SORL1-AS1: variants seen among roughly 807,000 people sequenced by gnomAD.
The protein encoded by SORL1-AS1 is SORL1 antisense RNA 1.
At chr11:121,448,853 G>C (rs941975326) in exon 2 of SORL1-AS1, 3 of 152,170 alleles carry the variant, frequency 2.0e-5, no homozygotes, top group African/African-American at 4.8e-5. Flanking sequence ...CAGGGGACTA[G>C]AGCCTTAGAG....
the SORL1-AS1 span, among the ~76,000 whole-genome samples, chr11:121,439,878 G>T: frequency 5.9e-5 from 9 of 152,320 alleles, no homozygotes; most frequent in African/African-American, 2.2e-4. Flanking sequence ...TTAAAAATCA[G>T]TAAGACAAGG....
the SORL1-AS1 span, among the ~76,000 whole-genome samples, chr11:121,439,570 A>G: frequency 6.6e-6 from 1 of 152,036 alleles, no homozygotes; most frequent in Non-Finnish European, 1.5e-5. Context: ...GAGTAACTCA[A>G]TGTCTCTGAT....
chr11:121,441,392 G>A, the SORL1-AS1 span, among the ~76,000 whole-genome samples: 1 of 151,376 alleles, frequency 6.6e-6, no homozygotes, highest in Non-Finnish European at 1.5e-5. Flanking sequence ...TTAGCTGGGC[G>A]TGGTGGTGGG....
At chr11:121,447,851 T>C (rs1860743178) in exon 2 of SORL1-AS1, 1 of 152,144 alleles carries the variant, frequency 6.6e-6, no homozygotes, top group Admixed American at 6.5e-5. Flanking sequence ...AGGGCTGAGT[T>C]GTGAAGGAGG....
At chr11:121,441,530 C>CAAAAAAAAAAAAAAAAAAA in the SORL1-AS1 span, among the ~76,000 whole-genome samples, 40 of 52,332 alleles carry the variant, frequency 7.6e-4, no homozygotes, top group Non-Finnish European at 9.0e-4. Context: ...GACTCTGTCT[C>CAAAAAAAAAAAAAAAAAAA]AAAAAAAAAA....
chr11:121,447,663 A>C (rs1860741296), exon 2 of SORL1-AS1: 1 of 152,112 alleles, frequency 6.6e-6, no homozygotes, highest in African/African-American at 2.4e-5. Context: ...AACACATTGG[A>C]AACCAAATCC....
chr11:121,446,039 C>T (rs945947754), downstream of SORL1-AS1, among the ~76,000 whole-genome samples: 1 of 152,124 alleles, frequency 6.6e-6, no homozygotes, highest in Non-Finnish European at 1.5e-5. Flanking sequence ...AAAATTCAGT[C>T]TCCCCAGAGC....
rs377606769 is a variant in SORL1-AS1, at chr11:121,451,008, AG to A, written n.340-1110del. Among the ~76,000 whole-genome samples the A allele has an allele frequency of 2.2e-4, 34 of 152,288 alleles. No homozygotes were observed. In the South Asian group the frequency reaches 5.4e-3, roughly 24 times the overall value. ...GAAAAGTACTAGAGTGGGCCGGGGT[AG>A]GAATCGGGCTACCGTGGCTTGTCGG... On this transcript the variant is annotated intron_variant and non_coding_transcript_variant, in intron 1 of 1. Coordinates refer to ENST00000501964, the Ensembl canonical transcript of SORL1-AS1.
At chr11:121,441,599 G>A in the SORL1-AS1 span, among the ~76,000 whole-genome samples, 7 of 151,302 alleles carry the variant, frequency 4.6e-5, no homozygotes, top group South Asian at 2.1e-4. Context: ...GTGTGACTAT[G>A]AGACTAAGTT....
At position 121,452,399 on chromosome 11, in the gene SORL1-AS1, C is replaced by A; in HGVS notation, n.339+276G>T. On this transcript the variant is annotated intron_variant and non_coding_transcript_variant, in intron 1 of 1. Transcript: ENST00000501964. The surrounding 1 kb of genome is among the most constrained non-coding windows in gnomAD (Gnocchi z 5.3). The stretch of plus-strand genomic sequence containing the variant: ...CTATTCACCCTGGTCGCACTGCTGC[C>A]GCCCGGAGCTCTCTGCGAAGTCTGG... The A allele has an allele frequency of 6.5e-7, 1 of 1,535,490 alleles. No homozygotes were observed. Among genetic ancestry groups the A allele is most frequent in the Non-Finnish European group, 8.7e-7 (1 of 1,144,812 alleles).
chr11:121,442,866 G>A (rs573819719), downstream of SORL1-AS1, among the ~76,000 whole-genome samples: 7 of 150,782 alleles, frequency 4.6e-5, no homozygotes, highest in African/African-American at 1.5e-4. Context: ...TTTTAGTAGA[G>A]ATGGGGTTTC....
chr11:121,438,786 G>A, the SORL1-AS1 span, among the ~76,000 whole-genome samples: 2 of 152,190 alleles, frequency 1.3e-5, no homozygotes, highest in Non-Finnish European at 2.9e-5. Context: ...CCAGCACTTT[G>A]GGAGGCCGAG....
At chr11:121,443,397 C>T (rs1860687157), downstream of SORL1-AS1, among the ~76,000 whole-genome samples, 1 of 152,296 alleles carries the variant, frequency 6.6e-6, no homozygotes, top group South Asian at 2.1e-4. Flanking sequence ...TCTCACAATG[C>T]CATGTCAAAC....
chr11:121,438,553 C>T, the SORL1-AS1 span, among the ~76,000 whole-genome samples: 1 of 151,796 alleles, frequency 6.6e-6, no homozygotes, highest in Non-Finnish European at 1.5e-5. Flanking sequence ...ATTGTGTGTA[C>T]TCTTTTGTGT....
Position 121,452,354 on chromosome 11 carries a change from G to A in SORL1-AS1, n.339+321C>T. On this transcript the variant is annotated intron_variant and non_coding_transcript_variant, in intron 1 of 1. Transcript: ENST00000501964. The surrounding 1 kb of genome is among the most constrained non-coding windows in gnomAD (Gnocchi z 5.3). ...AACATGGCGACACGGAGCAGCAGGA[G>A]GGAGTCGCGACTCCCGTTCCTATTC... 6.4e-7 allele frequency: 1 copy of A among 1,554,430 alleles called. No homozygotes were observed. The highest frequency in any genetic ancestry group is 8.7e-7 in the Non-Finnish European group (1 of 1,154,828).
downstream of SORL1-AS1, chr11:121,447,222 A>C (rs1164653551): frequency 1.3e-5 from 2 of 152,194 alleles, no homozygotes; most frequent in Non-Finnish European, 2.9e-5. Context: ...GAAAGGTCTA[A>C]ATGCTTTCTT....
the SORL1-AS1 span, among the ~76,000 whole-genome samples, chr11:121,441,017 G>T: frequency 2.0e-5 from 3 of 152,196 alleles, no homozygotes; most frequent in African/African-American, 7.2e-5. Flanking sequence ...ACTGGTTGCA[G>T]AAGTAACTAT....
Position 121,452,641 on chromosome 11 carries a change from C to A in SORL1-AS1, n.339+34G>T. On this transcript the variant is annotated intron_variant and non_coding_transcript_variant, in intron 1 of 1. Coordinates refer to ENST00000501964, the Ensembl canonical transcript of SORL1-AS1. The surrounding 1 kb of genome is among the most constrained non-coding windows in gnomAD (Gnocchi z 5.3). ...GGTGAGCAGTTTTGCAACCCGCCTC[C>A]CTCCAGTTTTTTCCTCTCCCTGCAC... is the stretch of plus-strand genomic sequence containing the variant. 1 of 1,433,406 alleles carries A rather than the reference C, an allele frequency of 7.0e-7. No homozygotes were observed. The highest frequency in any genetic ancestry group is 1.4e-5 in the South Asian group (1 of 69,706). The allele number at this position is 1,433,406 out of a possible 1,614,324, so 88.8% of individuals were successfully genotyped here.
downstream of SORL1-AS1, among the ~76,000 whole-genome samples, chr11:121,443,104 A>T (rs1473786866): frequency 6.6e-6 from 1 of 152,204 alleles, no homozygotes; most frequent in Admixed American, 6.5e-5. Flanking sequence ...TATGTCTTGA[A>T]TACTTCTGAC....
Sources: allele counts gnomAD v4.1 joint callset (sites outside exome capture counted in the v4.1 genomes callset), GRCh38; gene constraint gnomAD v4.1.1; non-coding constraint Gnocchi (gnomAD v3.1); transcripts MANE v1.5; gene names NCBI Gene and HGNC (gene_info 2026-07-23, HGNC 2026-07-21).